The following UBXN7 variants were observed in gnomAD, a reference collection of about 807,000 sequenced individuals.
UBXN7 encodes the protein UBX domain protein 7.
A neutral mutation model predicts 58.0 loss-of-function variants in UBXN7; 9 were observed. That is an observed-to-expected ratio of 0.16 (90% CI 0.09 to 0.27). UBXN7 has a LOEUF of 0.27. UBXN7 is among the 10% of genes least tolerant of loss of function. The probability of loss-of-function intolerance (pLI) is 1.00; values close to 1 mark genes in which losing one functional copy is unlikely to be tolerated. For missense variants in UBXN7, 328 were observed against 599.6 expected, an observed-to-expected ratio of 0.55 and a Z score of 4.73; for synonymous variants, 208 against 205.0, an observed-to-expected ratio of 1.01 and a Z score of -0.12.
At chr3:196,394,550 C>G (rs1298718259) in intron 3 of UBXN7, among the ~76,000 whole-genome samples, 1 of 147,968 alleles carries the variant, frequency 6.8e-6, no homozygotes, top group Non-Finnish European at 1.5e-5. Context: ...TTGCAGCGAG[C>G]CAAGATCACG....
rs535599468 is a variant in UBXN7 at position 196,420,675 on chromosome 3, C to T, written c.73+11652G>A. Among the ~76,000 whole-genome samples, 8 of 152,284 alleles carry T rather than the reference C, an allele frequency of 5.3e-5. No individual in the cohort carries two copies. In the East Asian group the frequency reaches 1.2e-3, roughly 22 times the overall value. On this transcript the variant is annotated intron_variant, in intron 1 of 10. Transcript: ENST00000296328. ...TACTTTGTTTCTCACCACATGAACC[C>T]CCTTCTAAAACATCCTTTATCTGTC...
chr3:196,407,446 G>C, intron 1 of UBXN7, 53 bp from the exon 2 acceptor site: 3 of 1,340,836 alleles, frequency 2.2e-6, no homozygotes. Flanking sequence ...AAAAAAGACA[G>C]CCTCTTTCTT....
At position 196,371,926 on chromosome 3, in the gene UBXN7, A is replaced by T. The variant is rs755537843; in HGVS notation, c.585T>A (p.Asn195Lys). 2.5e-6 allele frequency: 4 copies of T among 1,613,210 alleles called. No homozygotes were observed. The highest frequency in any genetic ancestry group is 2.5e-6 in the Non-Finnish European group (3 of 1,179,764). ...AGAAAATGAAATGTTCCCGGATAATATTCTTCACAGCTTCGTTGCTCCACA... is the reference window on the plus strand; with the variant it reads ...AGAAAATGAAATGTTCCCGGATAATTTTCTTCACAGCTTCGTTGCTCCACA... ...RDVWSNEAVK[N>K]IIREHFIFWQ... The change falls in exon 6 of 11, where the codon AAT (asparagine) becomes AAA (lysine). Residue 195 changes from asparagine to lysine, a missense_variant. Asn to Lys is a moderately conservative substitution (Grantham distance 94, BLOSUM62 0). Around this residue, in one of 4 missense-constraint regions of UBXN7, gnomAD observed 126 missense variants for 302.6 expected, o/e 0.42. Transcript: ENST00000296328.
At chr3:196,385,223 C>CCAGCT (rs1729338986) in intron 5 of UBXN7, among the ~76,000 whole-genome samples, 1 of 152,228 alleles carries the variant, frequency 6.6e-6, no homozygotes, top group African/African-American at 2.4e-5. Context: ...GGGCTGGTCT[C>CCAGCT]CAGCTCCTGA....
chr3:196,421,670 G>C (rs955552367), intron 1 of UBXN7, among the ~76,000 whole-genome samples: 4 of 151,912 alleles, frequency 2.6e-5, no homozygotes, highest in Admixed American at 1.3e-4. Flanking sequence ...CCAGCTACTT[G>C]GGAGGCTGAG....
intron 1 of UBXN7, among the ~76,000 whole-genome samples, chr3:196,413,420 G>A (rs138884007): frequency 1.3e-5 from 2 of 152,056 alleles, no homozygotes; most frequent in Non-Finnish European, 2.9e-5. Context: ...ACCCTTTTTG[G>A]GAAATTTAGA....
intron 1 of UBXN7, among the ~76,000 whole-genome samples, chr3:196,420,584 G>A (rs941954484): frequency 6.6e-6 from 1 of 151,608 alleles, no homozygotes; most frequent in Admixed American, 6.6e-5. Flanking sequence ...TTGAGGCTCC[G>A]ATATTGTAGG....
chr3:196,422,350 G>C (rs962607226), intron 1 of UBXN7, among the ~76,000 whole-genome samples: 42 of 151,918 alleles, frequency 2.8e-4, no homozygotes, highest in African/African-American at 9.9e-4. Context: ...GCATGGTGGT[G>C]TGTGCCTGTA....
At chr3:196,420,609 CT>C (rs1399126661) in intron 1 of UBXN7, among the ~76,000 whole-genome samples, 1 of 152,016 alleles carries the variant, frequency 6.6e-6, no homozygotes, top group Non-Finnish European at 1.5e-5. Context: ...AGCAGGGTGG[CT>C]TAATCTAATC....
chr3:196,381,637 CTT>C (rs1360344351), intron 5 of UBXN7, among the ~76,000 whole-genome samples: 1 of 152,244 alleles, frequency 6.6e-6, no homozygotes, highest in East Asian at 1.9e-4. Context: ...TGGAGAATGA[CTT>C]TGACAAGTTG....
rs1728256576 is a variant in UBXN7, at chr3:196,353,170, T to C, written c.*3515A>G. On this transcript the variant is annotated 3_prime_UTR_variant, in exon 11 of 11. Coordinates refer to ENST00000296328, the MANE Select transcript of UBXN7 (RefSeq NM_015562.2). Reference sequence around the variant, plus strand: ...ATGAGAAGAGAATCATCTGGGTAGCTTGATTCTCTTGCTGAAGGAGACCAC... The same window carrying C: ...ATGAGAAGAGAATCATCTGGGTAGCCTGATTCTCTTGCTGAAGGAGACCAC... 1 of 152,230 alleles carries C rather than the reference T, an allele frequency of 6.6e-6. No homozygotes were observed. Among genetic ancestry groups the C allele is most frequent in the Admixed American group, 6.5e-5 (1 of 15,282 alleles). The allele number at this position is 152,230 out of a possible 1,614,324, so 9.4% of individuals were successfully genotyped here.
chr3:196,356,883 A>C (rs1206800063), intron 10 of UBXN7, 37 bp from the exon 11 acceptor site: 2 of 1,585,112 alleles, frequency 1.3e-6, no homozygotes, highest in East Asian at 2.3e-5. Context: ...CATTAGACGG[A>C]AAAAGAGGAA....
chr3:196,385,792 G>T (rs940116258), intron 5 of UBXN7, among the ~76,000 whole-genome samples: 26 of 145,382 alleles, frequency 1.8e-4, no homozygotes, highest in African/African-American at 6.5e-4. Context: ...TCTGGGAAGT[G>T]GGGGGGGTGG....
At chr3:196,392,969 C>T (rs549914327) in intron 4 of UBXN7, among the ~76,000 whole-genome samples, 3 of 152,154 alleles carry the variant, frequency 2.0e-5, no homozygotes, top group Non-Finnish European at 4.4e-5. Context: ...TCAATGAACT[C>T]ATTCTAAATA....
intron 5 of UBXN7, among the ~76,000 whole-genome samples, chr3:196,377,670 CTTTTT>C (rs908384496): frequency 6.6e-6 from 1 of 151,096 alleles, no homozygotes; most frequent in African/African-American, 2.4e-5. Context: ...TTTTATTCTC[CTTTTT>C]TTTTCTTTTG....
intron 1 of UBXN7, among the ~76,000 whole-genome samples, chr3:196,426,536 G>T (rs1353408789): frequency 6.6e-6 from 1 of 151,938 alleles, no homozygotes; most frequent in East Asian, 1.9e-4. Flanking sequence ...CCAAGAGAAA[G>T]GAAATGTTCT....
intron 1 of UBXN7, among the ~76,000 whole-genome samples, chr3:196,415,737 G>A (rs1335554820): frequency 6.6e-6 from 1 of 151,512 alleles, no homozygotes; most frequent in Non-Finnish European, 1.5e-5. Context: ...AGCCAAGATT[G>A]TGCCACTGCA....
chr3:196,359,490 A>T (rs1043407535), intron 10 of UBXN7, among the ~76,000 whole-genome samples: 5 of 152,226 alleles, frequency 3.3e-5, no homozygotes. Flanking sequence ...AAGCTTAGTG[A>T]GAAAGGCACG....
chr3:196,378,611 C>T (rs1037090016), intron 5 of UBXN7, among the ~76,000 whole-genome samples: 7 of 152,244 alleles, frequency 4.6e-5, no homozygotes, highest in Non-Finnish European at 7.3e-5. Flanking sequence ...GTTCCGAGAA[C>T]TGAGGGCTCC....
Sources: allele counts gnomAD v4.1 joint callset (sites outside exome capture counted in the v4.1 genomes callset), GRCh38; gene constraint gnomAD v4.1.1; regional missense constraint gnomAD v4.1.1; transcripts MANE v1.5; gene names NCBI Gene and HGNC (gene_info 2026-07-23, HGNC 2026-07-21).